The following MAPRE2 variants were observed in gnomAD, a reference collection of about 807,000 sequenced individuals.
MAPRE2 encodes the protein microtubule-associated protein RP/EB family member 2.
Under a neutral mutation model 43.2 loss-of-function variants are expected in MAPRE2, and 13 were observed. The ratio of observed to expected loss-of-function variants is 0.30; its 90% CI spans 0.20 to 0.48. MAPRE2 has a LOEUF of 0.48. MAPRE2 is among the 20% of genes least tolerant of loss of function. The pLI, the probability that MAPRE2 is intolerant of heterozygous loss-of-function variation, is 0.99. For synonymous variants in MAPRE2, 135 were observed against 148.8 expected, an observed-to-expected ratio of 0.91 and a Z score of 0.68; for missense variants, 161 against 400.2, an observed-to-expected ratio of 0.40 and a Z score of 5.10.
intron 1 of MAPRE2, among the ~76,000 whole-genome samples, chr18:34,985,320 A>ATAATATAT (rs2097019447): frequency 9.7e-5 from 4 of 41,220 alleles, no homozygotes; most frequent in African/African-American, 4.0e-4. Context: ...ATTATATTAT[A>ATAATATAT]TATATAATAT....
intron 2 of MAPRE2, among the ~76,000 whole-genome samples, chr18:35,027,821 T>A (rs1004845294): frequency 6.6e-6 from 1 of 152,166 alleles, no homozygotes; most frequent in African/African-American, 2.4e-5. Flanking sequence ...AATCCATATA[T>A]CCATATAGTG....
intron 2 of MAPRE2, among the ~76,000 whole-genome samples, chr18:35,027,980 G>A (rs1398825349): frequency 6.6e-6 from 1 of 152,192 alleles, no homozygotes; most frequent in African/African-American, 2.4e-5. Flanking sequence ...CCCCAGAGTA[G>A]CTAGACTTCT....
chr18:34,985,771 A>G (rs1023568449), intron 1 of MAPRE2, among the ~76,000 whole-genome samples: 1 of 135,524 alleles, frequency 7.4e-6, no homozygotes, highest in Non-Finnish European at 1.6e-5. Context: ...AATATATTAC[A>G]TATTTGTTTA....
intron 2 of MAPRE2, among the ~76,000 whole-genome samples, chr18:35,021,149 A>G (rs1305731439): frequency 3.3e-5 from 5 of 152,216 alleles, no homozygotes; most frequent in African/African-American, 9.6e-5. Context: ...TAAGGAAGAA[A>G]GATAAGCTAG....
At chr18:35,062,861 C>G (rs530503735) in intron 1 of MAPRE2, among the ~76,000 whole-genome samples, 3 of 152,308 alleles carry the variant, frequency 2.0e-5, no homozygotes, top group South Asian at 4.1e-4. Context: ...CTTTATATCT[C>G]TCTTCTAGTC....
chr18:35,091,575 A>G (rs1266575290), intron 2 of MAPRE2, among the ~76,000 whole-genome samples: 1 of 152,232 alleles, frequency 6.6e-6, no homozygotes, highest in Non-Finnish European at 1.5e-5. Context: ...TTTAAAGTTC[A>G]CATGGAACCA....
chr18:35,041,392 C>CG, upstream of MAPRE2: 1 of 1,496,338 alleles, frequency 6.7e-7, no homozygotes, highest in South Asian at 1.3e-5. Context: ...CGCAGGAGGG[C>CG]GGGGCGCGAG....
At chr18:34,980,031 C>CTTTTTTT (rs796434537) in intron 1 of MAPRE2, among the ~76,000 whole-genome samples, 106 of 46,080 alleles carry the variant, frequency 2.3e-3, no homozygotes, top group African/African-American at 5.0e-3. Context: ...TTCTTTTTTT[C>CTTTTTTT]TTTTTTTTTT....
intron 1 of MAPRE2, among the ~76,000 whole-genome samples, chr18:35,053,361 T>C (rs1027121262): frequency 1.3e-5 from 2 of 151,920 alleles, no homozygotes; most frequent in Non-Finnish European, 2.9e-5. Context: ...GCCACTGCAC[T>C]CCAGGCTAGG....
intron 2 of MAPRE2, among the ~76,000 whole-genome samples, chr18:35,006,918 G>A (rs983668949): frequency 3.3e-5 from 5 of 152,182 alleles, no homozygotes; most frequent in Non-Finnish European, 5.9e-5. Flanking sequence ...AGCCAAGATC[G>A]TGCCACTGCA....
At chr18:35,041,791 G>C in intron 1 of MAPRE2, 130 bp downstream of exon 1, 1 of 1,514,142 alleles carries the variant, frequency 6.6e-7, no homozygotes, top group South Asian at 1.3e-5. Context: ...AGGCGGTTGT[G>C]ATTATTTGGT....
chr18:35,054,504 G>A (rs1160386174), intron 1 of MAPRE2, among the ~76,000 whole-genome samples: 4 of 152,134 alleles, frequency 2.6e-5, no homozygotes, highest in South Asian at 2.1e-4. Context: ...CCATGGTGGC[G>A]GCAGTCAGAT....
intron 2 of MAPRE2, among the ~76,000 whole-genome samples, chr18:35,074,228 T>G (rs762466417): frequency 2.6e-5 from 4 of 152,212 alleles, no homozygotes; most frequent in Non-Finnish European, 5.9e-5. Flanking sequence ...TTGGTTCAGC[T>G]TATAGATATT....
intron 4 of MAPRE2, among the ~76,000 whole-genome samples, chr18:35,120,789 G>T (rs1306480627): frequency 6.6e-6 from 1 of 152,056 alleles, no homozygotes; most frequent in Non-Finnish European, 1.5e-5. Flanking sequence ...AGGTGCAGGG[G>T]ATAAGAAAGT....
At chr18:34,990,329 A>C (rs983385511) in intron 1 of MAPRE2, among the ~76,000 whole-genome samples, 1 of 152,130 alleles carries the variant, frequency 6.6e-6, no homozygotes, top group Non-Finnish European at 1.5e-5. Flanking sequence ...GAGGGATGGC[A>C]TTTGAGGCTT....
chr18:35,084,132 G>A (rs1259149419), intron 2 of MAPRE2, among the ~76,000 whole-genome samples: 8 of 151,950 alleles, frequency 5.3e-5, no homozygotes, highest in Non-Finnish European at 8.8e-5. Context: ...AAATTAGTCC[G>A]GTGTGGTGGC....
chr18:34,985,305 T>TATA (rs2097019344), intron 1 of MAPRE2, among the ~76,000 whole-genome samples: 14 of 19,882 alleles, frequency 7.0e-4, no homozygotes, highest in Admixed American at 1.1e-3. Context: ...TTATATATTG[T>TATA]ATATATTATA....
chr18:34,981,872 T>A lies in MAPRE2; in HGVS notation c.-70+4793T>A, dbSNP rs12960867. Among the ~76,000 whole-genome samples, 1,023 of 41,250 alleles carry A rather than the reference T, an allele frequency of 0.025. 22 individuals are homozygous for A. The East Asian group carries it at 0.35, about 14-fold the overall frequency. The allele number at this position is 41,250 out of a possible 152,430, so 27.1% of individuals were successfully genotyped here. On this transcript the variant is annotated intron_variant, in intron 1 of 7. Coordinates refer to the MAPRE2 transcript ENST00000413393. ...TCTCAGCGACTTTATTTATTTTTTT[T>A]TTTTATTTTTATTTATTTTTTTTTT...
intron 2 of MAPRE2, among the ~76,000 whole-genome samples, chr18:35,018,563 T>A (rs1306594692): frequency 6.6e-5 from 10 of 151,860 alleles, no homozygotes; most frequent in Admixed American, 2.0e-4. Context: ...GGAGACTGTG[T>A]ATTTCCAGGA....
Sources: allele counts gnomAD v4.1 joint callset (sites outside exome capture counted in the v4.1 genomes callset), GRCh38; gene constraint gnomAD v4.1.1; transcripts MANE v1.5; gene names NCBI Gene and HGNC (gene_info 2026-07-23, HGNC 2026-07-21).